The following TEX11 variants were observed in gnomAD, a reference collection of about 807,000 sequenced individuals.
The protein encoded by TEX11 is testis-expressed protein 11.
Under a neutral mutation model 84.4 loss-of-function variants are expected in TEX11, and 7 were observed. The observed-to-expected ratio is 0.08, with a 90% CI of 0.05 to 0.16. TEX11 has a LOEUF of 0.16. Among genes scored for constraint, TEX11 ranks in the 10% least tolerant of loss-of-function variants. The pLI is 1.00. For missense variants in TEX11, 551 were observed against 660.5 expected (o/e 0.83, Z 1.82); for synonymous variants, 264 against 222.8 (o/e 1.18, Z -1.64).
chrX:70,809,837 C>T (rs1490245242), intron 8 of TEX11, among the ~76,000 whole-genome samples: 58 of 111,406 alleles, frequency 5.2e-4, no homozygotes, highest in Non-Finnish European at 2.8e-4. Flanking sequence ...GCCAAAATTA[C>T]AGGCACCCGC....
At position 70,783,010 on chromosome X, in the gene TEX11, C is replaced by T. The variant is rs772039575; in HGVS notation, c.692+23695G>A. Among the ~76,000 whole-genome samples the T allele has an allele frequency of 2.4e-3, 262 of 111,429 alleles. 3 individuals are homozygous for T. Among genetic ancestry groups the T allele is most frequent in the African/African-American group, 7.9e-3 (242 of 30,667 alleles). ...TAGACACCTACAGAACTCTCCACCC[C>T]AAATCAACAGAATATACATTCTTCT... On this transcript the variant is annotated intron_variant, in intron 9 of 29. Coordinates refer to ENST00000374333, the MANE Select transcript of TEX11 (RefSeq NM_031276.3).
At chrX:70,613,258 C>T (rs893643131) in intron 20 of TEX11, among the ~76,000 whole-genome samples, 2 of 111,744 alleles carry the variant, frequency 1.8e-5, no homozygotes, top group African/African-American at 6.5e-5. Flanking sequence ...CTCACAGTAT[C>T]TGGTTCCAAC....
chrX:70,840,846 C>T (rs1250806383), intron 7 of TEX11, among the ~76,000 whole-genome samples: 1 of 111,304 alleles, frequency 9.0e-6, no homozygotes, highest in African/African-American at 3.3e-5. Flanking sequence ...TCTGCTAAAA[C>T]AGACTTTAAA....
intron 4 of TEX11, among the ~76,000 whole-genome samples, chrX:70,861,526 G>T (rs924537949): frequency 9.1e-6 from 1 of 110,321 alleles, no homozygotes; most frequent in Non-Finnish European, 1.9e-5. Flanking sequence ...GTGCAGTGAC[G>T]CATGATCTTG....
At chrX:70,665,182 G>A (rs1271846978) in intron 16 of TEX11, among the ~76,000 whole-genome samples, 1 of 111,162 alleles carries the variant, frequency 9.0e-6, no homozygotes, top group Non-Finnish European at 1.9e-5. Context: ...GTTGCAAGCT[G>A]AGGATGGGAC....
intron 2 of TEX11, among the ~76,000 whole-genome samples, chrX:70,880,867 T>C (rs2091678730): frequency 9.2e-6 from 1 of 108,675 alleles, no homozygotes; most frequent in African/African-American, 3.3e-5. Flanking sequence ...TACCAGGCCA[T>C]GGAATTCCTT....
chrX:70,605,631 A>G (rs1353428627), intron 23 of TEX11, 114 bp from the exon 24 acceptor site: 3 of 487,268 alleles, frequency 6.2e-6, no homozygotes, highest in Non-Finnish European at 1.1e-5. Context: ...TCAGCTGGAA[A>G]AGCACATGTC....
intron 16 of TEX11, among the ~76,000 whole-genome samples, chrX:70,653,764 T>C (rs2089833990): frequency 8.9e-6 from 1 of 112,156 alleles, no homozygotes; most frequent in Admixed American, 9.5e-5. Context: ...GCTTTATTCA[T>C]AACTGCCAAA....
At chrX:70,813,215 C>G (rs1034762368) in intron 8 of TEX11, among the ~76,000 whole-genome samples, 1 of 111,736 alleles carries the variant, frequency 8.9e-6, no homozygotes, top group Non-Finnish European at 1.9e-5. Flanking sequence ...TACTGGCAAA[C>G]CAAATCCAGC....
At chrX:70,730,579 G>A (rs1006711547) in intron 11 of TEX11, among the ~76,000 whole-genome samples, 1 of 111,893 alleles carries the variant, frequency 8.9e-6, no homozygotes, top group African/African-American at 3.2e-5. Flanking sequence ...ATGGTAAAAG[G>A]ATCAGTTCAA....
At chrX:70,896,572 A>G (rs1047133157) in intron 2 of TEX11, among the ~76,000 whole-genome samples, 1 of 111,984 alleles carries the variant, frequency 8.9e-6, no homozygotes, top group African/African-American at 3.2e-5. Flanking sequence ...AGGCACATGT[A>G]TGTTTACTGC....
intron 13 of TEX11, among the ~76,000 whole-genome samples, chrX:70,688,528 T>A (rs1325258096): frequency 9.1e-6 from 1 of 110,373 alleles, no homozygotes; most frequent in Admixed American, 9.8e-5. Flanking sequence ...TTATGTGACA[T>A]TGCAGAAATG....
intron 13 of TEX11, among the ~76,000 whole-genome samples, chrX:70,720,270 CA>C (rs757958722): frequency 9.0e-6 from 1 of 110,653 alleles, no homozygotes; most frequent in South Asian, 3.9e-4. Flanking sequence ...ATCGCAAGGA[CA>C]AAAAACCAAA....
intron 25 of TEX11, among the ~76,000 whole-genome samples, chrX:70,582,721 C>CATTTATTTATTT (rs200086003): frequency 1.0e-4 from 5 of 48,243 alleles, no homozygotes; most frequent in African/African-American, 1.8e-4. Flanking sequence ...CTCCTATGTA[C>CATTTATTTATTT]ATTTATTTAT....
intron 16 of TEX11, among the ~76,000 whole-genome samples, chrX:70,656,387 C>A (rs747370229): frequency 9.1e-6 from 1 of 110,305 alleles, no homozygotes; most frequent in East Asian, 2.8e-4. Context: ...GTGTTTACAC[C>A]ACTGCACTCC....
chrX:70,825,505 AATAATT>A (rs2091340697), intron 8 of TEX11, among the ~76,000 whole-genome samples: 1 of 111,074 alleles, frequency 9.0e-6, no homozygotes, highest in Non-Finnish European at 1.9e-5. Flanking sequence ...TGTTTGAACA[AATAATT>A]ATAAACACTC....
Position 70,712,003 on chromosome X carries a change from C to T in TEX11, c.1004+10615G>A, listed in dbSNP as rs1470425647. Among the ~76,000 whole-genome samples, 7 of 111,863 alleles carry T rather than the reference C, an allele frequency of 6.3e-5. No homozygotes were observed. In the East Asian group the frequency reaches 1.4e-3, roughly 22 times the overall value. The stretch of plus-strand genomic sequence containing the variant: ...GAAGGGATCCAATTTCAGCTTTCTA[C>T]ATATGGCTAGCCAGTTTTCCCAGCA... On this transcript the variant is annotated intron_variant, in intron 13 of 29. Coordinates refer to ENST00000374333, the MANE Select transcript of TEX11 (RefSeq NM_031276.3).
chrX:70,820,498 A>G (rs1257274973), intron 8 of TEX11, among the ~76,000 whole-genome samples: 1 of 112,243 alleles, frequency 8.9e-6, no homozygotes, highest in African/African-American at 3.2e-5. Context: ...AAAGAGGTTT[A>G]TTAATTGGCT....
At chrX:70,711,559 A>G (rs2090433904) in intron 13 of TEX11, among the ~76,000 whole-genome samples, 1 of 111,774 alleles carries the variant, frequency 8.9e-6, no homozygotes, top group Non-Finnish European at 1.9e-5. Context: ...GCATTTTTTC[A>G]CGTGTCTTTT....
Sources: allele counts gnomAD v4.1 joint callset (sites outside exome capture counted in the v4.1 genomes callset), GRCh38; gene constraint gnomAD v4.1.1; transcripts MANE v1.5; gene names NCBI Gene and HGNC (gene_info 2026-07-23, HGNC 2026-07-21).